The following KCTD14 variants were observed in gnomAD, a reference collection of about 807,000 sequenced individuals.
The protein encoded by KCTD14 is BTB/POZ domain-containing protein KCTD14.
Under a neutral mutation model 5.9 loss-of-function variants are expected in KCTD14, and 7 were observed. That is an observed-to-expected ratio of 1.19 (90% CI 0.68 to 2.23). KCTD14 has a LOEUF of 2.23. KCTD14 is among the 30% of genes most tolerant of loss of function. The pLI, the probability that KCTD14 is intolerant of heterozygous loss-of-function variation, is 0.00. For missense variants in KCTD14, 342 were observed against 332.2 expected (o/e 1.03, Z -0.23); for synonymous variants, 140 against 133.1 (o/e 1.05, Z -0.36).
At chr11:78,040,816 C>T (rs1857971599) in intron 1 of KCTD14, among the ~76,000 whole-genome samples, 3 of 152,004 alleles carry the variant, frequency 2.0e-5, no homozygotes, top group Non-Finnish European at 2.9e-5. Context: ...ACTACAGGTA[C>T]GCATCACCAC....
upstream of KCTD14, among the ~76,000 whole-genome samples, chr11:78,026,745 G>C (rs1420723660): frequency 6.6e-6 from 1 of 152,116 alleles, no homozygotes; most frequent in African/African-American, 2.4e-5. Context: ...CCCCAGCTTG[G>C]GCAGTGGAAT....
Position 78,016,860 on chromosome 11 carries a change from G to C in KCTD14, c.501C>G (p.Ser167Arg), listed in dbSNP as rs369393174. ...CAGTTTCCACCAGGCACACAAGCAC[G>C]CTGGACTTCCGTGCTGTTATGGCTT... ...RAEAITARKSSVLVCLVETEE... is the reference protein window; with the variant it reads ...RAEAITARKSRVLVCLVETEE... Residue 167 changes from serine (S) to arginine (R), a missense_variant, in exon 2 of 2, where the codon AGC (serine) becomes AGG (arginine). Coordinates refer to ENST00000353172, the MANE Select transcript of KCTD14 (RefSeq NM_023930.4). The C allele has an allele frequency of 6.2e-7, 1 of 1,614,212 alleles. No homozygotes were observed. Among genetic ancestry groups the C allele is most frequent in the Non-Finnish European group, 8.5e-7 (1 of 1,180,034 alleles).
intron 1 of KCTD14, chr11:78,045,957 T>G (rs1354059718): frequency 7.7e-6 from 2 of 258,730 alleles, no homozygotes; most frequent in African/African-American, 4.6e-5. Flanking sequence ...GCAGGGAGGC[T>G]GCCGGTCCTC....
intron 2 of KCTD14, among the ~76,000 whole-genome samples, chr11:78,035,406 G>T (rs966690865): frequency 6.6e-6 from 1 of 152,026 alleles, no homozygotes; most frequent in Non-Finnish European, 1.5e-5. Flanking sequence ...TCTTCTGAAG[G>T]TCCCAGCCCG....
upstream of KCTD14, among the ~76,000 whole-genome samples, chr11:78,025,896 C>T (rs995192489): frequency 6.6e-6 from 1 of 152,180 alleles, no homozygotes; most frequent in African/African-American, 2.4e-5. Context: ...AGAGAAGAAA[C>T]TTTACATTGG....
At chr11:78,030,795 G>T (rs1377111027) in intron 2 of KCTD14, among the ~76,000 whole-genome samples, 1 of 152,076 alleles carries the variant, frequency 6.6e-6, no homozygotes, top group African/African-American at 2.4e-5. Flanking sequence ...GCAGCCTGGG[G>T]CTCAGCTGTG....
chr11:78,045,045 AC>A (rs1439352974), intron 1 of KCTD14, among the ~76,000 whole-genome samples: 2 of 152,196 alleles, frequency 1.3e-5, no homozygotes, highest in African/African-American at 2.4e-5. Flanking sequence ...AAGGTCACAC[AC>A]AAGTTAAGCT....
chr11:78,020,195 C>CT (rs1857274075), intron 1 of KCTD14, among the ~76,000 whole-genome samples: 1 of 152,018 alleles, frequency 6.6e-6, no homozygotes, highest in Admixed American at 6.6e-5. Flanking sequence ...ATGTGATGGC[C>CT]GCTGCTGCTG....
rs552129980 is a variant in KCTD14 at position 78,029,922 on chromosome 11, C to T, written c.-1+8742G>A. ...TCAGCCTCCCAAGTAGCTGGGACTA[C>T]AGGCGCCCACCACCACGCCTGGCTA... On this transcript the variant is annotated intron_variant, in intron 2 of 2. Transcript: ENST00000533144. Among the ~76,000 whole-genome samples the T allele has an allele frequency of 5.3e-5, 8 of 152,154 alleles. No individual in the cohort carries two copies. The East Asian group carries it at 1.5e-3, about 29-fold the overall frequency.
chr11:78,016,232 T>G lies in KCTD14; in HGVS notation c.*361A>C. On this transcript the variant is annotated 3_prime_UTR_variant, in exon 2 of 2. Transcript: ENST00000353172. ...CCAAGCTGGGGCTATGTAGACTACA[T>G]CTTTAGGTCAGAACATCTAGATTCA... 1 of 274,424 alleles carries G rather than the reference T, an allele frequency of 3.6e-6. No individual in the cohort carries two copies. Among genetic ancestry groups the G allele is most frequent in the Non-Finnish European group, 7.0e-6 (1 of 143,756 alleles). 17.0% of individuals were successfully genotyped at this position (274,424 alleles called of 1,614,324 possible). A position where few individuals can be genotyped will look rare whatever the true frequency, so the allele number is the denominator to read the frequency against.
At chr11:78,020,723 A>T (rs1486205038) in intron 1 of KCTD14, among the ~76,000 whole-genome samples, 5 of 152,228 alleles carry the variant, frequency 3.3e-5, no homozygotes, top group Admixed American at 2.6e-4. Flanking sequence ...GACAGAAGTC[A>T]CACAGCTAGG....
intron 1 of KCTD14, among the ~76,000 whole-genome samples, chr11:78,039,164 G>A (rs1040894420): frequency 2.6e-5 from 4 of 151,832 alleles, no homozygotes; most frequent in African/African-American, 4.8e-5. Flanking sequence ...GACAGGGTTG[G>A]TGCCACCCCT....
Position 78,016,591 on chromosome 11 carries a change from G to A in KCTD14, c.*2C>T. 3.1e-6 allele frequency: 5 copies of A among 1,609,438 alleles called. No homozygotes were observed. Among genetic ancestry groups the A allele is most frequent in the Non-Finnish European group, 4.3e-6 (5 of 1,176,094 alleles). Reference sequence around the variant, plus strand: ...ATTCATAACAGTCTCTGCTCCTGAGGATCACCACCAGGTGAAGGTGAATGA... The same window carrying A: ...ATTCATAACAGTCTCTGCTCCTGAGAATCACCACCAGGTGAAGGTGAATGA... On this transcript the variant is annotated 3_prime_UTR_variant, in exon 2 of 2. Coordinates refer to ENST00000353172, the MANE Select transcript of KCTD14 (RefSeq NM_023930.4).
chr11:78,032,162 G>A (rs537483537), intron 2 of KCTD14, among the ~76,000 whole-genome samples: 10 of 152,354 alleles, frequency 6.6e-5, no homozygotes, highest in African/African-American at 2.2e-4. Context: ...GGCACTGGGA[G>A]GAAGTATGGC....
At position 78,023,202 on chromosome 11, in the gene KCTD14, G is replaced by T. The variant is rs769371766; in HGVS notation, c.48C>A (p.Ser16Arg). The T allele has an allele frequency of 2.1e-5, 34 of 1,606,804 alleles. No homozygotes were observed. The highest frequency in any genetic ancestry group is 2.6e-5 in the Non-Finnish European group (31 of 1,178,790). ...GGGGGGACTGGGGCAGAGGGGTCTG[G>T]CTCGTCATCCTGCCCACTGGCCGCT... Reference protein sequence around the residue: ...AVERPVGRMTSQTPLPQSPRP... With the variant: ...AVERPVGRMTRQTPLPQSPRP... Residue 16 changes from serine to arginine, a missense_variant, in exon 1 of 2, where the codon AGC (serine) becomes AGA (arginine). Transcript: ENST00000353172.
intron 2 of KCTD14, among the ~76,000 whole-genome samples, chr11:78,028,972 G>A (rs1337265109): frequency 6.6e-6 from 1 of 151,922 alleles, no homozygotes; most frequent in Non-Finnish European, 1.5e-5. Context: ...ATCACTTCAG[G>A]TCAGGAGTTC....
At chr11:78,042,634 A>G (rs1212719310) in intron 1 of KCTD14, among the ~76,000 whole-genome samples, 1 of 152,212 alleles carries the variant, frequency 6.6e-6, no homozygotes, top group African/African-American at 2.4e-5. Flanking sequence ...AAGCAGCATC[A>G]TTGTCTGGGG....
chr11:78,038,064 G>A (rs1380560149), intron 2 of KCTD14, among the ~76,000 whole-genome samples: 1 of 150,820 alleles, frequency 6.6e-6, no homozygotes, highest in Non-Finnish European at 1.5e-5. Flanking sequence ...ATGGATTAAG[G>A]CACTCTGCCC....
chr11:78,038,888 G>C (rs570686466), intron 1 of KCTD14: 1 of 1,096,432 alleles, frequency 9.1e-7, no homozygotes, highest in Admixed American at 2.3e-5. Flanking sequence ...CTGCTGCTGT[G>C]GTCACGGTCA....
Sources: gnomAD v4.1 joint callset for allele counts (sites outside exome capture counted in the v4.1 genomes callset) on GRCh38, gnomAD v4.1.1 for gene constraint, MANE v1.5 for transcripts, NCBI Gene and HGNC (gene_info 2026-07-23, HGNC 2026-07-21) for gene names.